The following HS6ST2 variants were observed in gnomAD, a reference collection of about 807,000 sequenced individuals.
HS6ST2 encodes heparan sulfate 6-O-sulfotransferase 2, also known as heparan-sulfate 6-O-sulfotransferase 2.
A neutral mutation model predicts 33.0 loss-of-function variants in HS6ST2; 17 were observed. The observed-to-expected ratio is 0.52, with a 90% CI of 0.35 to 0.77. HS6ST2 has a LOEUF of 0.77. Ranked by LOEUF, HS6ST2 falls within the 30% of genes least tolerant of loss-of-function variation. HS6ST2 has a pLI of 0.01. For synonymous variants in HS6ST2, 248 were observed against 237.1 expected (o/e 1.05, Z -0.42); for missense variants, 519 against 551.7 (o/e 0.94, Z 0.59).
intron 2 of HS6ST2, among the ~76,000 whole-genome samples, chrX:132,886,524 A>G (rs1207852265): frequency 1.8e-5 from 2 of 111,424 alleles, no homozygotes; most frequent in East Asian, 5.6e-4. Flanking sequence ...TGAAGAAATA[A>G]TAGCTAAAAA....
intron 2 of HS6ST2, among the ~76,000 whole-genome samples, chrX:132,881,327 T>C (rs1371549488): frequency 3.6e-5 from 4 of 111,288 alleles, no homozygotes; most frequent in Non-Finnish European, 7.5e-5. Context: ...TTCTAACTGG[T>C]GTGAGATGGT....
intron 2 of HS6ST2, among the ~76,000 whole-genome samples, chrX:132,731,964 C>T (rs969232403): frequency 1.8e-5 from 2 of 111,768 alleles, no homozygotes; most frequent in African/African-American, 6.5e-5. Flanking sequence ...ACTCATATTT[C>T]AGGGCCGCCC....
intron 2 of HS6ST2, among the ~76,000 whole-genome samples, chrX:132,798,091 A>C: frequency 9.8e-6 from 1 of 102,358 alleles, no homozygotes; most frequent in South Asian, 5.0e-4. Context: ...CCAATGGGGC[A>C]CCTGCTTTTC....
chrX:132,717,083 TC>T (rs2064281412), intron 2 of HS6ST2, among the ~76,000 whole-genome samples: 1 of 112,770 alleles, frequency 8.9e-6, no homozygotes, highest in Admixed American at 9.3e-5. Flanking sequence ...AAAATAAGGA[TC>T]AAGATAATTC....
chrX:132,881,317 T>C (rs2066170139), intron 2 of HS6ST2, among the ~76,000 whole-genome samples: 1 of 111,173 alleles, frequency 9.0e-6, no homozygotes, highest in African/African-American at 3.3e-5. Context: ...ATGATCGCCA[T>C]TCTAACTGGT....
At chrX:132,629,593 A>AT (rs762391787) in intron 4 of HS6ST2, among the ~76,000 whole-genome samples, 2 of 112,353 alleles carry the variant, frequency 1.8e-5, no homozygotes, top group Admixed American at 9.4e-5. Context: ...ATGCAATAGC[A>AT]TTTTTTCTAA....
At chrX:132,705,218 C>A (rs868641799) in intron 3 of HS6ST2, among the ~76,000 whole-genome samples, 9 of 88,467 alleles carry the variant, frequency 1.0e-4, no homozygotes, top group Non-Finnish European at 1.9e-4. Context: ...TGTGTGTGTA[C>A]GTGTGGAAAA....
chrX:132,783,354 T>C (rs1439428089), intron 2 of HS6ST2, among the ~76,000 whole-genome samples: 1 of 111,830 alleles, frequency 8.9e-6, no homozygotes, highest in Non-Finnish European at 1.9e-5. Flanking sequence ...CTCAAAATCT[T>C]GACACAGATT....
chrX:132,886,980 C>G (rs1218180647), intron 2 of HS6ST2, among the ~76,000 whole-genome samples: 1 of 110,377 alleles, frequency 9.1e-6, no homozygotes, highest in African/African-American at 3.3e-5. Context: ...ACTAAAAATA[C>G]AAAAATTAGC....
intron 2 of HS6ST2, among the ~76,000 whole-genome samples, chrX:132,857,352 C>G (rs371397011): frequency 9.1e-6 from 1 of 109,807 alleles, no homozygotes; most frequent in Non-Finnish European, 1.9e-5. Context: ...GGTGTGGTGG[C>G]GGGCGCCTGT....
intron 2 of HS6ST2, among the ~76,000 whole-genome samples, chrX:132,745,106 G>A (rs1227612619): frequency 9.0e-6 from 1 of 111,146 alleles, no homozygotes; most frequent in Admixed American, 9.5e-5. Flanking sequence ...ATTTTTTTGA[G>A]ACAGAGTCTT....
At chrX:132,943,689 C>T (rs1377350329) in intron 2 of HS6ST2, among the ~76,000 whole-genome samples, 1 of 111,369 alleles carries the variant, frequency 9.0e-6, no homozygotes, top group Non-Finnish European at 1.9e-5. Context: ...CCCTGGGATG[C>T]AAGGCTGGTT....
At chrX:132,917,294 T>C (rs1277484943) in intron 2 of HS6ST2, among the ~76,000 whole-genome samples, 17 of 111,800 alleles carry the variant, frequency 1.5e-4, no homozygotes, top group African/African-American at 4.6e-4. Flanking sequence ...TGTCCAAGCA[T>C]ATTCAAAACA....
intron 2 of HS6ST2, among the ~76,000 whole-genome samples, chrX:132,909,554 T>C (rs2066511926): frequency 8.9e-6 from 1 of 112,131 alleles, no homozygotes; most frequent in South Asian, 3.7e-4. Flanking sequence ...TACTTTTTTT[T>C]CTACACTCAT....
chrX:132,763,858 G>A (rs1602651406), intron 2 of HS6ST2, among the ~76,000 whole-genome samples: 1 of 112,380 alleles, frequency 8.9e-6, no homozygotes, highest in Non-Finnish European at 1.9e-5. Flanking sequence ...CAATCAATAC[G>A]TTTGGATTTC....
chrX:132,677,945 G>C (rs1417640244), intron 3 of HS6ST2, among the ~76,000 whole-genome samples: 1 of 111,813 alleles, frequency 8.9e-6, no homozygotes, highest in Non-Finnish European at 1.9e-5. Flanking sequence ...TGGGGCATGG[G>C]GTACCCATTC....
At position 132,911,079 on chromosome X, in the gene HS6ST2, G is replaced by A. The variant is rs908484514; in HGVS notation, c.947+45729C>T. ...GCAGGAGAATCACTTGAACTCGGGA[G>A]GCAGAGGTTGCATTGAGCTGAGATT... is the stretch of plus-strand genomic sequence containing the variant. On this transcript the variant is annotated intron_variant, in intron 2 of 4. Transcript: ENST00000370833. 2.2e-4 allele frequency among the ~76,000 whole-genome samples: 24 copies of A among 109,339 alleles called. 1 individual carries two copies. In the Admixed American group the frequency reaches 2.3e-3, roughly 11 times the overall value. 94.9% of individuals were successfully genotyped at this position (109,339 alleles called of 115,157 possible).
chrX:132,841,097 T>G (rs999683089), intron 2 of HS6ST2, among the ~76,000 whole-genome samples: 1 of 111,936 alleles, frequency 8.9e-6, no homozygotes, highest in African/African-American at 3.2e-5. Context: ...TGAAGGAAAT[T>G]CAGTCTCTCA....
intron 3 of HS6ST2, among the ~76,000 whole-genome samples, chrX:132,689,910 A>G (rs1409760552): frequency 3.6e-5 from 4 of 110,821 alleles, no homozygotes; most frequent in African/African-American, 1.3e-4. Flanking sequence ...GCTTATCAGC[A>G]ATCATTTGTG....
Sources: gnomAD v4.1 joint callset for allele counts (sites outside exome capture counted in the v4.1 genomes callset) on GRCh38, gnomAD v4.1.1 for gene constraint, MANE v1.5 for transcripts, NCBI Gene and HGNC (gene_info 2026-07-23, HGNC 2026-07-21) for gene names.